ERAP1: variants seen among roughly 807,000 people sequenced by gnomAD.
The protein encoded by ERAP1 is endoplasmic reticulum aminopeptidase 1, also known as adipocyte-derived leucine aminopeptidase.
A neutral mutation model predicts 103.7 loss-of-function variants in ERAP1; 86 were observed. The observed-to-expected ratio is 0.83, with a 90% confidence interval of 0.70 to 0.99. The LOEUF (loss-of-function observed/expected upper bound fraction) is 0.99, where lower values mean the gene tolerates loss of function less well. Among genes scored for constraint, ERAP1 ranks in the 50% least tolerant of loss-of-function variants. ERAP1 has a pLI of 0.00. For synonymous variants in ERAP1, 398 were observed against 402.4 expected (o/e 0.99, Z 0.13); for missense variants, 1,009 against 1,128.4 (o/e 0.89, Z 1.52).
chr5:96,894,972 T>C, the ERAP1 span, among the ~76,000 whole-genome samples: 1 of 151,786 alleles, frequency 6.6e-6, no homozygotes, highest in East Asian at 1.9e-4. Flanking sequence ...ATCTAATAAC[T>C]AGGAAATGTT....
chr5:96,855,185 T>C, the ERAP1 span, among the ~76,000 whole-genome samples: 1 of 152,190 alleles, frequency 6.6e-6, no homozygotes. Context: ...TTACCAGTCA[T>C]GGTAGAGATA....
the ERAP1 span, among the ~76,000 whole-genome samples, chr5:96,877,315 C>G: frequency 6.6e-6 from 1 of 152,134 alleles, no homozygotes; most frequent in Non-Finnish European, 1.5e-5. Flanking sequence ...TACTAGCTGG[C>G]CTTTACAACC....
the ERAP1 span, among the ~76,000 whole-genome samples, chr5:96,929,027 T>A: frequency 6.6e-6 from 1 of 152,038 alleles, no homozygotes; most frequent in South Asian, 2.1e-4. Context: ...AGGTGATCGC[T>A]CCCTAGTGCT....
intron 19 of ERAP1, chr5:96,769,150 C>T (rs562716646): frequency 6.6e-6 from 1 of 152,280 alleles, no homozygotes; most frequent in South Asian, 2.1e-4. Context: ...TTCTGCAGAT[C>T]TCAGTTTGCT....
the ERAP1 span, among the ~76,000 whole-genome samples, chr5:96,837,328 G>A: frequency 1.3e-5 from 2 of 152,206 alleles, no homozygotes; most frequent in African/African-American, 2.4e-5. Context: ...GTTTTTCAAA[G>A]TTATTGTACA....
the ERAP1 span, among the ~76,000 whole-genome samples, chr5:96,917,231 C>T: frequency 7.7e-6 from 1 of 129,136 alleles, no homozygotes; most frequent in South Asian, 2.3e-4. Context: ...CTCAGCCTTC[C>T]AAGTAGCTGG....
At chr5:96,888,001 T>C in the ERAP1 span, among the ~76,000 whole-genome samples, 2 of 151,958 alleles carry the variant, frequency 1.3e-5, no homozygotes, top group African/African-American at 4.8e-5. Flanking sequence ...GTCAGGCACC[T>C]GTAATCCCAG....
the ERAP1 span, among the ~76,000 whole-genome samples, chr5:96,823,797 A>AT: frequency 6.6e-6 from 1 of 152,212 alleles, no homozygotes; most frequent in Non-Finnish European, 1.5e-5. Context: ...CCTCCTTATT[A>AT]AGTCAAGAAC....
chr5:96,913,393 C>T, the ERAP1 span: 274 of 1,614,020 alleles, frequency 1.7e-4, no homozygotes, highest in Middle Eastern at 3.3e-4. Context: ...GATTGCCAGA[C>T]GTCCAAAGGG....
Position 96,774,882 on chromosome 5 carries a change from C to T in ERAP1, c.*1514G>A, listed in dbSNP as rs553755364. On this transcript the variant is annotated 3_prime_UTR_variant, in exon 19 of 19. Transcript: ENST00000443439. The stretch of plus-strand genomic sequence containing the variant: ...ATGTCCAGAAGTCACTCTATTTTGT[C>T]GTGTATTAGGGGAACACATTTTGAC... 21 of 985,128 alleles carry T rather than the reference C, an allele frequency of 2.1e-5. No individual in the cohort carries two copies. In the African/African-American group the frequency reaches 2.6e-4, roughly 12 times the overall value. 61.0% of individuals were successfully genotyped at this position (985,128 alleles called of 1,614,324 possible). A position where few individuals can be genotyped will look rare whatever the true frequency, so the allele number is the denominator to read the frequency against.
At chr5:96,874,136 G>GAGAAAGAAAGAAAGAAAGAAAGAA in the ERAP1 span, among the ~76,000 whole-genome samples, 23 of 118,886 alleles carry the variant, frequency 1.9e-4, no homozygotes, top group Non-Finnish European at 2.1e-4. Context: ...GAAAGAGAGA[G>GAGAAAGAAAGAAAGAAAGAAAGAA]AGAAAGAAAG....
the ERAP1 span, chr5:96,813,884 T>A: frequency 7.4e-3 from 1,310 of 176,072 alleles, 9 homozygotes; most frequent in Non-Finnish European, 0.01. Context: ...CCAACTGTTA[T>A]GGTATTTGTT....
intron 3 of ERAP1, 51 bp downstream of exon 3, chr5:96,800,811 C>G (rs536408595): frequency 6.2e-7 from 1 of 1,606,338 alleles, no homozygotes; most frequent in East Asian, 2.2e-5. Context: ...GTGCAAGTCA[C>G]AGAGAATCAG....
chr5:96,884,045 T>G, the ERAP1 span: 1 of 356,088 alleles, frequency 2.8e-6, no homozygotes, highest in African/African-American at 2.6e-5. Flanking sequence ...TATCTATCTA[T>G]CTATCTATCT....
chr5:96,847,937 G>A, the ERAP1 span, among the ~76,000 whole-genome samples: 2 of 151,594 alleles, frequency 1.3e-5, no homozygotes, highest in African/African-American at 4.8e-5. Flanking sequence ...TAAATCCAGA[G>A]TTAGTACAAG....
the ERAP1 span, chr5:96,879,957 T>A: frequency 6.2e-7 from 1 of 1,614,192 alleles, no homozygotes; most frequent in Non-Finnish European, 8.5e-7. Flanking sequence ...TCTCTGGACT[T>A]TGTTGCATCT....
chr5:96,788,533 A>G lies in ERAP1; in HGVS notation c.1677T>C (p.Thr559=). Residue 559 remains threonine, a splice_region_variant and synonymous_variant, in exon 11 of 19, where the codon ACT becomes ACC. Coordinates refer to ENST00000443439, the MANE Select transcript of ERAP1 (RefSeq NM_001040458.3). ...YMKGSDGAPD[T]GYLWHVPLTF... The stretch of plus-strand genomic sequence containing the variant: ...AAATTTTACTCTAGGAGCATTACCC[A>G]GTGTCCGGGGCGCCGTCAGAGCCCT... The G allele has an allele frequency of 1.2e-6, 2 of 1,614,180 alleles. No homozygotes were observed. Among genetic ancestry groups the G allele is most frequent in the East Asian group, 2.2e-5 (1 of 44,886 alleles).
chr5:96,867,144 T>C, the ERAP1 span, among the ~76,000 whole-genome samples: 2 of 151,884 alleles, frequency 1.3e-5, no homozygotes, highest in Admixed American at 6.6e-5. Flanking sequence ...GTAGCTGAGA[T>C]TATAGGCACC....
At chr5:96,892,456 A>T in the ERAP1 span, 1 of 1,613,816 alleles carries the variant, frequency 6.2e-7, no homozygotes, top group Non-Finnish European at 8.5e-7. Flanking sequence ...CGCACCAGGT[A>T]CTTGGCACTC....
Sources: gnomAD v4.1 joint callset for allele counts (sites outside exome capture counted in the v4.1 genomes callset) on GRCh38, gnomAD v4.1.1 for gene constraint, MANE v1.5 for transcripts, NCBI Gene and HGNC (gene_info 2026-07-23, HGNC 2026-07-21) for gene names.